Variants in FSTL5 observed in about 807,000 individuals in gnomAD.
FSTL5 encodes the protein follistatin-related protein 5.
Under a neutral mutation model 89.1 loss-of-function variants are expected in FSTL5, and 62 were observed. That is an observed-to-expected ratio of 0.70 (90% CI 0.57 to 0.86). The LOEUF (loss-of-function observed/expected upper bound fraction) is 0.86. Among genes scored for constraint, FSTL5 ranks in the 40% least tolerant of loss-of-function variants. The pLI is 0.00. For synonymous variants in FSTL5, 383 were observed against 346.2 expected, an observed-to-expected ratio of 1.11 and a Z score of -1.18; for missense variants, 1,057 against 1,001.6, an observed-to-expected ratio of 1.06 and a Z score of -0.75.
chr4:161,606,039 C>G (rs180890230), intron 7 of FSTL5, among the ~76,000 whole-genome samples: 6 of 152,194 alleles, frequency 3.9e-5, no homozygotes, highest in Admixed American at 1.3e-4. Context: ...TTCAGACTAG[C>G]TTACTGGAAG....
intron 11 of FSTL5, among the ~76,000 whole-genome samples, chr4:161,501,468 A>T (rs1730291437): frequency 6.6e-6 from 1 of 152,034 alleles, no homozygotes; most frequent in Non-Finnish European, 1.5e-5. Flanking sequence ...AAACTAAACT[A>T]TTACTTTATT....
intron 6 of FSTL5, among the ~76,000 whole-genome samples, chr4:161,714,807 G>T: frequency 6.6e-6 from 1 of 152,052 alleles, no homozygotes; most frequent in East Asian, 1.9e-4. Flanking sequence ...GGTGCAGCTG[G>T]CTTTTAGTAG....
At chr4:161,770,110 C>T (rs1255328902) in intron 5 of FSTL5, among the ~76,000 whole-genome samples, 2 of 151,912 alleles carry the variant, frequency 1.3e-5, no homozygotes, top group Admixed American at 6.6e-5. Flanking sequence ...ATAAGCCAGG[C>T]ACAGAAAGAC....
At chr4:162,157,601 C>T (rs944698912) in intron 1 of FSTL5, among the ~76,000 whole-genome samples, 5 of 151,902 alleles carry the variant, frequency 3.3e-5, no homozygotes, top group African/African-American at 1.2e-4. Flanking sequence ...AACATTTATG[C>T]CAGACTTCTT....
chr4:161,875,101 T>C (rs1371063047), intron 4 of FSTL5, among the ~76,000 whole-genome samples: 1 of 152,204 alleles, frequency 6.6e-6, no homozygotes, highest in Non-Finnish European at 1.5e-5. Context: ...TTTTCCCTTG[T>C]CTTGTTTGTT....
intron 7 of FSTL5, among the ~76,000 whole-genome samples, chr4:161,645,420 T>TTTTTTTTTG (rs1736119447): frequency 6.6e-6 from 1 of 152,156 alleles, no homozygotes; most frequent in African/African-American, 2.4e-5. Flanking sequence ...TATATATTGT[T>TTTTTTTTTG]ATCTTCACCA....
At chr4:161,472,143 ATT>A (rs1269748300) in intron 13 of FSTL5, among the ~76,000 whole-genome samples, 5 of 151,736 alleles carry the variant, frequency 3.3e-5, no homozygotes, top group Admixed American at 3.3e-4. Context: ...CGCCCGGCTA[ATT>A]TTTTTGTATT....
chr4:162,049,266 A>G (rs1738304170), intron 2 of FSTL5, among the ~76,000 whole-genome samples: 1 of 152,188 alleles, frequency 6.6e-6, no homozygotes, highest in Non-Finnish European at 1.5e-5. Flanking sequence ...ATCTAACTCT[A>G]AAGGCTTTAT....
chr4:161,581,736 T>G (rs28397173), intron 8 of FSTL5, among the ~76,000 whole-genome samples: 16 of 152,234 alleles, frequency 1.1e-4, no homozygotes, highest in African/African-American at 3.9e-4. Context: ...AACCACTTTA[T>G]GCAGAAGTTT....
At chr4:162,123,198 T>C (rs17041989) in intron 1 of FSTL5, among the ~76,000 whole-genome samples, 31,707 of 152,042 alleles carry the variant, frequency 0.21, 3,535 homozygotes, top group African/African-American at 0.22. Flanking sequence ...AAAAATCTGT[T>C]ACAGTTTAAC....
chr4:161,835,130 G>A (rs1417523015), intron 4 of FSTL5, among the ~76,000 whole-genome samples: 1 of 148,250 alleles, frequency 6.7e-6, no homozygotes, highest in Non-Finnish European at 1.5e-5. Flanking sequence ...ACAGAACAGA[G>A]CCCTCAGAAA....
At chr4:161,403,637 T>G (rs560821705) in intron 15 of FSTL5, among the ~76,000 whole-genome samples, 8 of 152,366 alleles carry the variant, frequency 5.3e-5, no homozygotes, top group South Asian at 2.1e-4. Flanking sequence ...GAGGGATATA[T>G]GTATAACCTA....
intron 4 of FSTL5, among the ~76,000 whole-genome samples, chr4:161,885,164 G>T (rs532775961): frequency 8.5e-5 from 13 of 152,144 alleles, no homozygotes; most frequent in African/African-American, 3.1e-4. Flanking sequence ...ACTCTTTTGT[G>T]TATTGTAAAA....
At chr4:161,866,859 A>T (rs1732108639) in intron 4 of FSTL5, among the ~76,000 whole-genome samples, 1 of 152,000 alleles carries the variant, frequency 6.6e-6, no homozygotes, top group African/African-American at 2.4e-5. Context: ...TTGAGGAAAT[A>T]AAGAAATAAA....
chr4:162,044,636 G>T (rs1364179346), intron 2 of FSTL5, among the ~76,000 whole-genome samples: 5 of 152,138 alleles, frequency 3.3e-5, no homozygotes, highest in Non-Finnish European at 7.3e-5. Flanking sequence ...GTGGTGAATG[G>T]CATATTTGTT....
Position 161,779,821 on chromosome 4 carries a change from A to ATGTGTATATATATATATATATATATATG in FSTL5, c.410-3748_410-3747insCATATATATATATATATATATATACACA, listed in dbSNP as rs1267702879. On this transcript the variant is annotated intron_variant, in intron 4 of 15. Transcript: ENST00000306100. ...TATATATATATATATGTATATATAT[A>ATGTGTATATATATATATATATATATATG]TATATATATATATATGTATATAAAA... is the stretch of plus-strand genomic sequence containing the variant. 1.3e-4 allele frequency among the ~76,000 whole-genome samples: 8 copies of ATGTGTATATATATATATATATATATATG among 63,364 alleles called. 1 individual carries two copies. In the South Asian group the frequency reaches 3.6e-3, roughly 28 times the overall value. The allele number at this position is 63,364 out of a possible 152,430, so 41.6% of individuals were successfully genotyped here.
At chr4:161,975,659 G>C (rs62331250) in intron 3 of FSTL5, among the ~76,000 whole-genome samples, 2 of 151,202 alleles carry the variant, frequency 1.3e-5, no homozygotes, top group South Asian at 4.1e-4. Flanking sequence ...TGCTAGATGA[G>C]GAGTTAGTGG....
At chr4:161,976,038 A>C (rs1387715194) in intron 3 of FSTL5, among the ~76,000 whole-genome samples, 1 of 150,224 alleles carries the variant, frequency 6.7e-6, no homozygotes, top group African/African-American at 2.5e-5. Context: ...GAATCGCGTG[A>C]ACTCGGCAGG....
At chr4:161,932,433 G>T (rs962191204) in intron 3 of FSTL5, among the ~76,000 whole-genome samples, 6 of 151,544 alleles carry the variant, frequency 4.0e-5, no homozygotes, top group Non-Finnish European at 7.4e-5. Context: ...TGAAAATTAA[G>T]CTCCCCATTG....
Sources: allele counts gnomAD v4.1 joint callset (sites outside exome capture counted in the v4.1 genomes callset), GRCh38; gene constraint gnomAD v4.1.1; transcripts MANE v1.5; gene names NCBI Gene and HGNC (gene_info 2026-07-23, HGNC 2026-07-21).